Variants in TNXB observed in about 807,000 individuals in gnomAD.
TNXB encodes the protein tenascin-X.
TNXB carries 183 observed loss-of-function variants against 340.5 expected under a neutral mutation model. The observed-to-expected ratio is 0.54, with a 90% CI of 0.48 to 0.61. The LOEUF (loss-of-function observed/expected upper bound fraction) is 0.61, where lower values mean the gene tolerates loss of function less well. TNXB is among the 20% of genes least tolerant of loss of function. TNXB has a pLI of 0.00. For missense variants in TNXB, 4,613 were observed against 5,446.4 expected (o/e 0.85, Z 4.82); for synonymous variants, 2,121 against 2,314.5 (o/e 0.92, Z 2.40).
chr6:32,082,111 G>T lies in TNXB; in HGVS notation c.3661C>A (p.His1221Asn). ...CCAAACAGAGTGAATCTGTACTTGT[G>T]GTCAGGGTCCAGTGAGGAGACAACA... Reference protein sequence around the residue: ...SFVVSSLDPDHKYRFTLFGIA... With the variant: ...SFVVSSLDPDNKYRFTLFGIA... The change falls in exon 9 of 44, where the codon CAC becomes AAC. Residue 1221 changes from histidine (H) to asparagine (N), a missense_variant. His to Asn is a moderately conservative substitution (Grantham distance 68). This residue lies in a region of TNXB where 4,327 missense variants were observed against 4,859.4 expected (regional missense o/e 0.89). Coordinates refer to ENST00000644971, the MANE Select transcript of TNXB (RefSeq NM_001365276.2). The surrounding 1 kb of genome is among the most constrained non-coding windows in gnomAD (Gnocchi z 5.0). 6.2e-7 allele frequency: 1 copy of T among 1,611,330 alleles called. No homozygotes were observed. Among genetic ancestry groups the T allele is most frequent in the Non-Finnish European group, 8.5e-7 (1 of 1,178,980 alleles).
rs1338917356 is a variant in TNXB, at chr6:32,043,272, G to C, written c.11697C>G (p.Pro3899=). ...AETPGSAVDY[P]LHDLVLHTNY... ...TGGTGTGGAGGACAAGGTCATGCAG[G>C]GGGTAGTCCACCGCGCTGCCTGGGG... The change falls in exon 37 of 44, where the codon CCC becomes CCG. Residue 3899 remains proline, a synonymous_variant. Transcript: ENST00000644971. 2 of 308,474 alleles carry C rather than the reference G, an allele frequency of 6.5e-6. No homozygotes were observed. Among genetic ancestry groups the C allele is most frequent in the African/African-American group, 1.0e-4 (1 of 9,598 alleles). The allele number at this position is 308,474 out of a possible 1,614,324, so 19.1% of individuals were successfully genotyped here.
chr6:32,095,720 G>T lies in TNXB; in HGVS notation c.2133C>A (p.Gly711=). The part of the protein sequence containing the change: ...GQCVCVEGFR[G]PDCAIQTCPG... The stretch of plus-strand genomic sequence containing the variant: ...GGCATGTCTGGATGGCACAGTCAGG[G>T]CCTCGGAAGCCCTCTACACACACAC... Residue 711 remains glycine, a synonymous_variant, in exon 3 of 44, where the codon GGC becomes GGA. Coordinates refer to ENST00000644971, the MANE Select transcript of TNXB (RefSeq NM_001365276.2). The T allele has an allele frequency of 6.2e-7, 1 of 1,613,812 alleles. No individual in the cohort carries two copies. Among genetic ancestry groups the T allele is most frequent in the Non-Finnish European group, 8.5e-7 (1 of 1,179,848 alleles).
At position 32,058,157 on chromosome 6, in the gene TNXB, T is replaced by C; in HGVS notation, c.7726A>G (p.Thr2576Ala). ...CGCCCAGGCTCCAGGCCCCTCACAG[T>C]GACCTTGCTCTCCTGGCCCCCAACA... ...VRVGGQESKV[T>A]VRGLEPGRKY... The change falls in exon 22 of 44, where the codon ACT becomes GCT. Residue 2576 changes from threonine (T) to alanine (A), a missense_variant. Coordinates refer to ENST00000644971, the MANE Select transcript of TNXB (RefSeq NM_001365276.2). This position sits in a 1 kb window ranked among gnomAD's most constrained non-coding sequence, Gnocchi z 5.1. The C allele has an allele frequency of 6.2e-7, 1 of 1,612,630 alleles. No homozygotes were observed. Among genetic ancestry groups the C allele is most frequent in the African/African-American group, 1.3e-5 (1 of 74,992 alleles).
chr6:32,049,745 G>C lies in TNXB; in HGVS notation c.9440-158C>G, dbSNP rs182953657. Among the ~76,000 whole-genome samples the C allele has an allele frequency of 1.3e-5, 2 of 151,984 alleles. No individual in the cohort carries two copies. Among genetic ancestry groups the C allele is most frequent in the Non-Finnish European group, 2.9e-5 (2 of 67,988 alleles). On this transcript the variant is annotated intron_variant, in intron 27 of 43. Transcript: ENST00000644971. The surrounding 1 kb of genome is among the most constrained non-coding windows in gnomAD (Gnocchi z 4.5). ...CCTGCTCAGCTGACAGCTAACACAC[G>C]TAACAAGTTCCAGGGTCAGCTGTGG...
At position 32,090,192 on chromosome 6, in the gene TNXB, C is replaced by G. The variant is rs1008317941; in HGVS notation, c.2359-813G>C. Among the ~76,000 whole-genome samples the G allele has an allele frequency of 5.3e-5, 8 of 152,188 alleles. No individual in the cohort carries two copies. Among genetic ancestry groups the G allele is most frequent in the African/African-American group, 1.9e-4 (8 of 41,454 alleles). On this transcript the variant is annotated intron_variant, in intron 4 of 43. Transcript: ENST00000644971. This position sits in a 1 kb window ranked among gnomAD's most constrained non-coding sequence, Gnocchi z 4.3. ...GAGACACAAAAATAAAATATATGGT[C>G]CCTGTCCTCAGGTAGCTGAGACTCT... is the stretch of plus-strand genomic sequence containing the variant.
intron 29 of TNXB, 37 bp from the exon 30 acceptor site, chr6:32,048,049 G>A (rs1777012307): frequency 6.3e-7 from 1 of 1,584,234 alleles, no homozygotes; most frequent in African/African-American, 1.3e-5. Context: ...GAGTGGGATG[G>A]AGGCAAAGGG....
At position 32,083,711 on chromosome 6, in the gene TNXB, G is replaced by A. The variant is rs1779608016; in HGVS notation, c.3445+702C>T. Among the ~76,000 whole-genome samples the A allele has an allele frequency of 6.6e-6, 1 of 152,130 alleles. No homozygotes were observed. Among genetic ancestry groups the A allele is most frequent in the Non-Finnish European group, 1.5e-5 (1 of 68,018 alleles). ...GAGTGTGGATAGCACCCAGGCTGGA[G>A]TACAGTGGCACAATCATGGCTCTCT... On this transcript the variant is annotated intron_variant, in intron 8 of 43. Coordinates refer to ENST00000644971, the MANE Select transcript of TNXB (RefSeq NM_001365276.2). The surrounding 1 kb of genome is among the most constrained non-coding windows in gnomAD (Gnocchi z 4.6).
At position 32,070,491 on chromosome 6, in the gene TNXB, C is replaced by G; in HGVS notation, c.4991-77G>C. On this transcript the variant is annotated intron_variant, in intron 13 of 43. Transcript: ENST00000644971. This position sits in a 1 kb window ranked among gnomAD's most constrained non-coding sequence, Gnocchi z 6.0. ...GCCTCCCTCTGGGGCTGGAAAAACC[C>G]AGAACTGCCCAAATGCTCAGTGCTT... 2 of 1,412,994 alleles carry G rather than the reference C, an allele frequency of 1.4e-6. No homozygotes were observed. Among genetic ancestry groups the G allele is most frequent in the African/African-American group, 1.4e-5 (1 of 69,256 alleles). The allele number at this position is 1,412,994 out of a possible 1,614,324, so 87.5% of individuals were successfully genotyped here.
rs769432397 is a variant in TNXB, at chr6:32,068,786, C to T, written c.5902+36G>A. 1 of 1,592,100 alleles carries T rather than the reference C, an allele frequency of 6.3e-7. No individual in the cohort carries two copies. The highest frequency in any genetic ancestry group is 8.6e-7 in the Non-Finnish European group (1 of 1,166,804). On this transcript the variant is annotated intron_variant, in intron 16 of 43. Coordinates refer to ENST00000644971, the MANE Select transcript of TNXB (RefSeq NM_001365276.2). This position sits in a 1 kb window ranked among gnomAD's most constrained non-coding sequence, Gnocchi z 5.3. The stretch of plus-strand genomic sequence containing the variant: ...TCTGCTGTCCTCTGGACTCTCCCAG[C>T]CATCTGAAAGGAGGCATAGTGGGCA...
At chr6:32,063,760 T>C (rs773314931) in intron 19 of TNXB, among the ~76,000 whole-genome samples, 4 of 152,240 alleles carry the variant, frequency 2.6e-5, no homozygotes, top group Non-Finnish European at 5.9e-5. Flanking sequence ...ATTCATCACA[T>C]TTCATTTGTC....
In TNXB at chr6:32,089,932, C is replaced by T. The variant is rs1334076945; in HGVS notation, c.2359-553G>A. On this transcript the variant is annotated intron_variant, in intron 4 of 43. Coordinates refer to ENST00000644971, the MANE Select transcript of TNXB (RefSeq NM_001365276.2). The surrounding 1 kb of genome is among the most constrained non-coding windows in gnomAD (Gnocchi z 6.2). ...AACAAATGAAGTAGATCAAGGATGC[C>T]CCTTCAAGTTGCACTTTCTCCTTAA... Among the ~76,000 whole-genome samples the T allele has an allele frequency of 6.6e-6, 1 of 152,150 alleles. No individual in the cohort carries two copies. The highest frequency in any genetic ancestry group is 2.4e-5 in the African/African-American group (1 of 41,426).
rs1779054088 is a variant in TNXB at position 32,075,863 on chromosome 6, G to A, written c.4376-1911C>T. ...AATGGCAGAGAAGGTGGCTGGATGG[G>A]TGGGGCTCCCAAGAACTTGTTTCTC... is the stretch of plus-strand genomic sequence containing the variant. On this transcript the variant is annotated intron_variant, in intron 11 of 43. Transcript: ENST00000644971. This position sits in a 1 kb window ranked among gnomAD's most constrained non-coding sequence, Gnocchi z 4.6. Among the ~76,000 whole-genome samples the A allele has an allele frequency of 6.6e-6, 1 of 152,138 alleles. No individual in the cohort carries two copies. The highest frequency in any genetic ancestry group is 1.5e-5 in the Non-Finnish European group (1 of 68,036).
chr6:32,097,987 A>T lies in TNXB; in HGVS notation c.212T>A (p.Val71Glu). ...CAGGTTAATGCGGTGGGTGAATACC[A>T]CCTGCTTCTCCCCTCCTTCCACTGT... ...EHTVEGGEKQ[V>E]VFTHRINLPP... The change falls in exon 2 of 44, where the codon GTG (valine) becomes GAG (glutamate). Residue 71 changes from valine (V) to glutamate (E), a missense_variant. Physicochemically the swap from Val to Glu is moderately radical, Grantham distance 121. Transcript: ENST00000644971. The surrounding 1 kb of genome is among the most constrained non-coding windows in gnomAD (Gnocchi z 5.9). The T allele has an allele frequency of 6.2e-7, 1 of 1,607,110 alleles. No individual in the cohort carries two copies. The highest frequency in any genetic ancestry group is 8.5e-7 in the Non-Finnish European group (1 of 1,178,000).
Position 32,097,143 on chromosome 6 carries a change from G to C in TNXB, c.710C>G (p.Ala237Gly), listed in dbSNP as rs1780454030. ...GCTGCAGTCGGGGCCTGAGAAGCCT[G>C]CCCGGCACACACACACGCCCTGCAC... is the stretch of plus-strand genomic sequence containing the variant. ...RCVQGVCVCR[A>G]GFSGPDCSQR... Residue 237 changes from alanine (A) to glycine (G), a missense_variant, in exon 3 of 44, where the codon GCA becomes GGA. Physicochemically the swap from Ala to Gly is moderately conservative, Grantham distance 60. Transcript: ENST00000644971. This position sits in a 1 kb window ranked among gnomAD's most constrained non-coding sequence, Gnocchi z 5.9. 1 of 1,603,734 alleles carries C rather than the reference G, an allele frequency of 6.2e-7. No individual in the cohort carries two copies. The highest frequency in any genetic ancestry group is 8.5e-7 in the Non-Finnish European group (1 of 1,175,676).
rs573413905 is a variant in TNXB at position 32,067,387 on chromosome 6, T to C, written c.6544+274A>G. Among the ~76,000 whole-genome samples, 134 of 152,276 alleles carry C rather than the reference T, an allele frequency of 8.8e-4. No homozygotes were observed. Among genetic ancestry groups the C allele is most frequent in the Middle Eastern group, 3.4e-3 (1 of 294 alleles). ...TGTGTTCCAATCTCACAAAAAGAGT[T>C]ATGTATAGAGTTCCAAGGAAAAGCG... On this transcript the variant is annotated intron_variant, in intron 18 of 43. Coordinates refer to ENST00000644971, the MANE Select transcript of TNXB (RefSeq NM_001365276.2). The surrounding 1 kb of genome is among the most constrained non-coding windows in gnomAD (Gnocchi z 4.2).
Position 32,096,769 on chromosome 6 carries a change from C to T in TNXB, c.1084G>A (p.Gly362Arg), listed in dbSNP as rs375064065. Residue 362 changes from glycine (G) to arginine (R), a missense_variant, in exon 3 of 44, where the codon GGG becomes AGG. Physicochemically the swap from Gly to Arg is moderately radical, Grantham distance 125. Coordinates refer to ENST00000644971, the MANE Select transcript of TNXB (RefSeq NM_001365276.2). ...CVDGRCVCWP[G>R]YTGEDCSTRT... ...GTGCTGCAGTCCTCGCCTGTGTACC[C>T]GGGCCAGCACACGCAGCGGCCGTCC... 8 of 1,563,876 alleles carry T rather than the reference C, an allele frequency of 5.1e-6. No individual in the cohort carries two copies. In the African/African-American group the frequency reaches 6.8e-5, roughly 13 times the overall value.
chr6:32,072,466 C>T lies in TNXB; in HGVS notation c.4682-168G>A, dbSNP rs188127767. On this transcript the variant is annotated intron_variant, in intron 12 of 43. Transcript: ENST00000644971. This position sits in a 1 kb window ranked among gnomAD's most constrained non-coding sequence, Gnocchi z 4.4. ...CTTTCCAAAACTAATATAGAAAACC[C>T]ACCAGAGTAGAATTATTGTGACTTT... is the stretch of plus-strand genomic sequence containing the variant. 2.0e-5 allele frequency among the ~76,000 whole-genome samples: 3 copies of T among 152,270 alleles called. No homozygotes were observed. The highest frequency in any genetic ancestry group is 2.0e-4 in the Admixed American group (3 of 15,300).
chr6:32,071,886 A>T, intron 13 of TNXB, 104 bp downstream of exon 13: 1 of 1,083,048 alleles, frequency 9.2e-7, no homozygotes, highest in South Asian at 1.7e-5. Flanking sequence ...TGGCTTTTCA[A>T]ATGAGACAGA....
chr6:32,098,099 G>A lies in TNXB; in HGVS notation c.100C>T (p.Leu34=), dbSNP rs1780517402. ...TGGGGAGGGGGCCGGGGGGCTGGCAGTGTCACATTGGACCGTGAAGAGAAG... is the reference window on the plus strand; with the variant it reads ...TGGGGAGGGGGCCGGGGGGCTGGCAATGTCACATTGGACCGTGAAGAGAAG... ...GPFSSRSNVT[L]PAPRPPPQPG... The change falls in exon 2 of 44, where the codon CTG becomes TTG. Residue 34 remains leucine, a synonymous_variant. Coordinates refer to ENST00000644971, the MANE Select transcript of TNXB (RefSeq NM_001365276.2). 2 of 1,604,264 alleles carry A rather than the reference G, an allele frequency of 1.2e-6. No individual in the cohort carries two copies. The highest frequency in any genetic ancestry group is 1.7e-6 in the Non-Finnish European group (2 of 1,176,088).
Sources: allele counts gnomAD v4.1 joint callset (sites outside exome capture counted in the v4.1 genomes callset), GRCh38; gene constraint gnomAD v4.1.1; regional missense constraint gnomAD v4.1.1; non-coding constraint Gnocchi (gnomAD v3.1); transcripts MANE v1.5; gene names NCBI Gene and HGNC (gene_info 2026-07-23, HGNC 2026-07-21).